Variants in ANXA3 observed in about 807,000 individuals in gnomAD.
ANXA3 encodes the protein 35-alpha calcimedin.
A neutral mutation model predicts 48.8 loss-of-function variants in ANXA3; 46 were observed. The observed-to-expected ratio is 0.94, with a 90% CI of 0.74 to 1.21. The LOEUF (loss-of-function observed/expected upper bound fraction) is 1.21. ANXA3 is among the 50% of genes most tolerant of loss of function. The pLI is 0.00. For missense variants in ANXA3, 383 were observed against 378.6 expected, an observed-to-expected ratio of 1.01 and a Z score of -0.10; for synonymous variants, 128 against 134.7, an observed-to-expected ratio of 0.95 and a Z score of 0.35.
At chr4:78,558,830 G>C (rs918427047) in intron 2 of ANXA3, among the ~76,000 whole-genome samples, 1 of 152,098 alleles carries the variant, frequency 6.6e-6, no homozygotes, top group Non-Finnish European at 1.5e-5. Flanking sequence ...TTGCCTGTAG[G>C]TCCACAGCAA....
At chr4:78,572,529 G>A (rs1165938273) in intron 2 of ANXA3, among the ~76,000 whole-genome samples, 1 of 152,180 alleles carries the variant, frequency 6.6e-6, no homozygotes, top group Non-Finnish European at 1.5e-5. Context: ...GGGGGCTAGG[G>A]AAGGGGCATG....
At chr4:78,599,733 A>T (rs1001695453) in intron 10 of ANXA3, among the ~76,000 whole-genome samples, 4 of 152,018 alleles carry the variant, frequency 2.6e-5, no homozygotes, top group Admixed American at 2.0e-4. Flanking sequence ...TCCATTTTAT[A>T]TTGTTAATCT....
At chr4:78,607,851 G>A (rs577475963) in intron 12 of ANXA3, among the ~76,000 whole-genome samples, 2 of 152,274 alleles carry the variant, frequency 1.3e-5, no homozygotes, top group Admixed American at 6.5e-5. Context: ...TGGGCCAGGT[G>A]CTCTGCTGGA....
chr4:78,559,117 T>A lies in ANXA3; in HGVS notation c.15+4629T>A, dbSNP rs578044675. On this transcript the variant is annotated intron_variant, in intron 2 of 12. Coordinates refer to ENST00000264908, the MANE Select transcript of ANXA3 (RefSeq NM_005139.3). ...ATTTTTTTTTGACAGAGCTTCACTG[T>A]CATTCAGGCTGGAGTGCAGTGGTGC... 1.2e-4 allele frequency among the ~76,000 whole-genome samples: 18 copies of A among 152,314 alleles called. No homozygotes were observed. In the East Asian group the frequency reaches 2.3e-3, roughly 20 times the overall value.
chr4:78,589,449 G>A lies in ANXA3; in HGVS notation c.404-2095G>A, dbSNP rs907098481. On this transcript the variant is annotated intron_variant, in intron 6 of 12. Transcript: ENST00000264908. ...AGAGATTAAAGTCACAGCACTACCC[G>A]AGGGACCCAGTTATGTTGTCACTCT... Among the ~76,000 whole-genome samples the A allele has an allele frequency of 2.0e-5, 3 of 152,156 alleles. No homozygotes were observed. In the South Asian group the frequency reaches 6.2e-4, roughly 32 times the overall value.
At chr4:78,597,471 C>T (rs948163950) in intron 10 of ANXA3, 57 bp downstream of exon 10, 68 of 1,162,430 alleles carry the variant, frequency 5.8e-5, no homozygotes, top group South Asian at 2.6e-4. Context: ...AACTCAGTGC[C>T]GAGGCCTGCT....
At chr4:78,604,974 A>G (rs767856057) in intron 12 of ANXA3, among the ~76,000 whole-genome samples, 10 of 152,244 alleles carry the variant, frequency 6.6e-5, no homozygotes, top group Non-Finnish European at 8.8e-5. Context: ...TTTGGGATGA[A>G]TTCTCAGAAG....
chr4:78,609,987 G>A (rs1471488070), intron 12 of ANXA3, 69 bp from the exon 13 acceptor site: 13 of 1,231,550 alleles, frequency 1.1e-5, no homozygotes, highest in Non-Finnish European at 1.4e-5. Context: ...AGTGCTATAG[G>A]ATTTGATTCA....
chr4:78,555,496 G>A (rs749415037), intron 2 of ANXA3, among the ~76,000 whole-genome samples: 4 of 152,066 alleles, frequency 2.6e-5, no homozygotes, highest in Non-Finnish European at 5.9e-5. Flanking sequence ...AAAGTTGTAA[G>A]GGACATAAAC....
rs79987391 is a variant in ANXA3, at chr4:78,581,343, G to C, written c.199-834G>C. On this transcript the variant is annotated intron_variant, in intron 4 of 12. Transcript: ENST00000264908. ...CCCTGTTACCCCCCTTTAAGCAGGGGAGATGGACTGTACTTAGGTGTGAAA... is the reference window on the plus strand; with the variant it reads ...CCCTGTTACCCCCCTTTAAGCAGGGCAGATGGACTGTACTTAGGTGTGAAA... Among the ~76,000 whole-genome samples, 985 of 152,304 alleles carry C rather than the reference G, an allele frequency of 6.5e-3. 13 individuals are homozygous for C. Among genetic ancestry groups the C allele is most frequent in the African/African-American group, 0.023 (952 of 41,562 alleles).
intron 12 of ANXA3, among the ~76,000 whole-genome samples, chr4:78,609,663 C>A (rs1171218414): frequency 6.6e-6 from 1 of 152,146 alleles, no homozygotes; most frequent in African/African-American, 2.4e-5. Flanking sequence ...GTACCTATTG[C>A]AGAGAGCTTT....
chr4:78,608,580 A>G (rs911842380), intron 12 of ANXA3, among the ~76,000 whole-genome samples: 3 of 152,116 alleles, frequency 2.0e-5, no homozygotes, highest in Admixed American at 1.3e-4. Context: ...GGCTCAAAAG[A>G]TATTTAGGAG....
chr4:78,555,686 A>C lies in ANXA3; in HGVS notation c.15+1198A>C, dbSNP rs183584713. On this transcript the variant is annotated intron_variant, in intron 2 of 12. Coordinates refer to ENST00000264908, the MANE Select transcript of ANXA3 (RefSeq NM_005139.3). ...AGACCCAGTCTCTTAAAAAAAAAAA[A>C]AAAAAACTTTAAAAATTAGCTGAAC... is the stretch of plus-strand genomic sequence containing the variant. Among the ~76,000 whole-genome samples the C allele has an allele frequency of 8.5e-3, 1,286 of 151,952 alleles. 13 individuals are homozygous for C. The highest frequency in any genetic ancestry group is 0.013 in the Non-Finnish European group (910 of 67,962).
At position 78,595,499 on chromosome 4, in the gene ANXA3, T is replaced by A; in HGVS notation, c.540+62T>A. 5 of 1,543,950 alleles carry A rather than the reference T, an allele frequency of 3.2e-6. No individual in the cohort carries two copies. In the South Asian group the frequency reaches 3.5e-5, roughly 11 times the overall value. On this transcript the variant is annotated intron_variant, in intron 8 of 12. Transcript: ENST00000264908. The stretch of plus-strand genomic sequence containing the variant: ...TTCTCCTATGTGGCTGCCTTTGCAT[T>A]TATGTGAAAAGGGAGAAAAATAGCA...
intron 10 of ANXA3, among the ~76,000 whole-genome samples, chr4:78,600,522 A>G (rs953805548): frequency 1.3e-5 from 2 of 152,186 alleles, no homozygotes; most frequent in African/African-American, 4.8e-5. Context: ...ACTAGTTTAA[A>G]TGGTTAGTTT....
chr4:78,605,213 T>C (rs901270904), intron 12 of ANXA3, among the ~76,000 whole-genome samples: 3 of 152,176 alleles, frequency 2.0e-5, no homozygotes, highest in Admixed American at 6.5e-5. Flanking sequence ...TCATAATACA[T>C]TGTAGCCTAG....
chr4:78,608,687 G>A (rs77982560), intron 12 of ANXA3, among the ~76,000 whole-genome samples: 3,487 of 152,188 alleles, frequency 0.023, 138 homozygotes, highest in African/African-American at 0.078. Context: ...AGACAGTGGC[G>A]CCATTCCTTG....
At chr4:78,578,852 A>T (rs1332231340) in intron 3 of ANXA3, among the ~76,000 whole-genome samples, 175 bp from the exon 4 acceptor site, 2 of 148,742 alleles carry the variant, frequency 1.3e-5, no homozygotes, top group Non-Finnish European at 3.0e-5. Context: ...TCAGGCAAAC[A>T]AAATAAATAA....
At chr4:78,567,121 G>A (rs2109929262) in intron 2 of ANXA3, among the ~76,000 whole-genome samples, 1 of 152,338 alleles carries the variant, frequency 6.6e-6, no homozygotes, top group Middle Eastern at 3.4e-3. Context: ...TTCTAGGTGA[G>A]GAGGCTCTTA....
Sources: allele counts gnomAD v4.1 joint callset (sites outside exome capture counted in the v4.1 genomes callset), GRCh38; gene constraint gnomAD v4.1.1; transcripts MANE v1.5; gene names NCBI Gene and HGNC (gene_info 2026-07-23, HGNC 2026-07-21).